The following MYH1 variants were observed in gnomAD, a reference collection of about 807,000 sequenced individuals.
MYH1 encodes myosin-1.
A neutral mutation model predicts 225.6 loss-of-function variants in MYH1; 214 were observed. The observed-to-expected ratio is 0.95, with a 90% confidence interval of 0.85 to 1.06. The LOEUF (loss-of-function observed/expected upper bound fraction) is 1.06, where lower values mean the gene tolerates loss of function less well. Among genes scored for constraint, MYH1 ranks in the 50% least tolerant of loss-of-function variants. The probability of loss-of-function intolerance (pLI) is 0.00; values close to 1 mark genes in which losing one functional copy is unlikely to be tolerated. For missense variants in MYH1, 2,098 were observed against 2,344.2 expected (o/e 0.89, Z 2.17); for synonymous variants, 774 against 842.3 (o/e 0.92, Z 1.40).
In MYH1 at chr17:10,508,180, G is replaced by A. The variant is rs575523953; in HGVS notation, c.1897+183C>T. On this transcript the variant is annotated intron_variant, in intron 16 of 39. Coordinates refer to ENST00000226207, the MANE Select transcript of MYH1 (RefSeq NM_005963.4). The stretch of plus-strand genomic sequence containing the variant: ...ATTATAGGCACCTGCCACCATGCCC[G>A]GCTAATTTTTGCATTTTTAGTAGAG... Among the ~76,000 whole-genome samples, 25 of 151,764 alleles carry A rather than the reference G, an allele frequency of 1.6e-4. No homozygotes were observed. The South Asian group carries it at 4.6e-3, about 28-fold the overall frequency.
At chr17:10,497,948 C>A in intron 30 of MYH1, 31 bp from the exon 31 acceptor site, 1 of 1,567,974 alleles carries the variant, frequency 6.4e-7, no homozygotes, top group Non-Finnish European at 8.6e-7. Flanking sequence ...AAGTGAATGG[C>A]TGTCAACTGA....
At chr17:10,504,151 T>C (rs2073085588) in intron 22 of MYH1, among the ~76,000 whole-genome samples, 1 of 152,240 alleles carries the variant, frequency 6.6e-6, no homozygotes, top group South Asian at 2.1e-4. Flanking sequence ...TGTCTTGTTA[T>C]TTGTGTTACA....
At position 10,492,430 on chromosome 17, in the gene MYH1, T is replaced by C. The variant is rs2142249922; in HGVS notation, c.5806A>G (p.Ile1936Val). The change falls in exon 40 of 40, where the codon ATA (isoleucine) becomes GTA (valine). Residue 1936 changes from isoleucine to valine, a missense_variant. By Grantham distance (29) the Ile-to-Val change is conservative. Transcript: ENST00000226207. ...VKSREVHTKIISEE is the reference protein window; with the variant it reads ...VKSREVHTKIVSEE ...AGTTAGATAAATTACTCTTCACTTA[T>C]GATTTTTGTGTGAACCTCCCTGCTC... 5 of 1,613,942 alleles carry C rather than the reference T, an allele frequency of 3.1e-6. No homozygotes were observed. Among genetic ancestry groups the C allele is most frequent in the African/African-American group, 1.3e-5 (1 of 75,052 alleles).
chr17:10,516,551 G>T lies in MYH1; in HGVS notation c.92C>A (p.Pro31His). 5 of 1,614,142 alleles carry T rather than the reference G, an allele frequency of 3.1e-6. No homozygotes were observed. The South Asian group carries it at 5.5e-5, about 18-fold the overall frequency. ...ERERIEAQNK[P>H]FDAKTSVFVV... ...AAAGACTGATGTCTTGGCATCAAAAGGCTTGTTCTGGGCTTCAATTCGCTC... is the reference window on the plus strand; with the variant it reads ...AAAGACTGATGTCTTGGCATCAAAATGCTTGTTCTGGGCTTCAATTCGCTC... The change falls in exon 3 of 40, where the codon CCT becomes CAT. Residue 31 changes from proline (P) to histidine (H), a missense_variant. Transcript: ENST00000226207.
At chr17:10,502,644 G>T in intron 24 of MYH1, 94 bp downstream of exon 24, 1 of 1,569,580 alleles carries the variant, frequency 6.4e-7, no homozygotes, top group African/African-American at 1.4e-5. Flanking sequence ...GGAGGCACTT[G>T]ATAAGTACTC....
In MYH1 at chr17:10,512,852, G is replaced by A; in HGVS notation, c.904+15C>T. 6.2e-7 allele frequency: 1 copy of A among 1,605,276 alleles called. No individual in the cohort carries two copies. The highest frequency in any genetic ancestry group is 1.1e-5 in the South Asian group (1 of 90,880). On this transcript the variant is annotated intron_variant, in intron 10 of 39. Transcript: ENST00000226207. ...AGTACAGTGACAATCTTCTAGCTAT[G>A]AATTTATTTCTTACCAATTAGATCT... is the stretch of plus-strand genomic sequence containing the variant.
Position 10,501,174 on chromosome 17 carries a change from T to C in MYH1, c.3674A>G (p.Lys1225Arg), listed in dbSNP as rs182004113. 12 of 1,614,122 alleles carry C rather than the reference T, an allele frequency of 7.4e-6. No homozygotes were observed. The Admixed American group carries it at 1.3e-4, about 18-fold the overall frequency. Residue 1225 changes from lysine to arginine, a missense_variant, in exon 27 of 40, where the codon AAG becomes AGG. Transcript: ENST00000226207. ...QRVKQKLEKEKSEMKMEIDDL... is the reference protein window; with the variant it reads ...QRVKQKLEKERSEMKMEIDDL... ...ATCGATCTCCATCTTCATCTCACTCTTCTCCTTCTCCAGCTTCTGCTTCAC... is the reference window on the plus strand; with the variant it reads ...ATCGATCTCCATCTTCATCTCACTCCTCTCCTTCTCCAGCTTCTGCTTCAC...
intron 33 of MYH1, 35 bp from the exon 34 acceptor site, chr17:10,496,584 A>T (rs1235308829): frequency 4.3e-6 from 7 of 1,613,530 alleles, no homozygotes. Flanking sequence ...TAGTAGAGTA[A>T]TGGAAGTGTG....
Position 10,508,423 on chromosome 17 carries a change from G to A in MYH1, c.1837C>T (p.Gln613Ter), listed in dbSNP as rs1351115974. The change falls in exon 16 of 40, where the codon CAG becomes TAG. Residue 613 changes from glutamine to a stop codon, truncating the protein, a stop_gained. Transcript: ENST00000226207. LOFTEE classifies it high-confidence loss of function. ...GCCAGAGTCTTCATTGCAGACTTCT[G>A]GTACAGCCCCACCACAGTCTCATTC... The part of the protein sequence containing the change: ...PLNETVVGLY[Q>*]KSAMKTLALL... 1.2e-6 allele frequency: 2 copies of A among 1,614,142 alleles called. No individual in the cohort carries two copies. The highest frequency in any genetic ancestry group is 4.5e-5 in the East Asian group (2 of 44,880).
At chr17:10,504,667 A>G (rs1221459924) in intron 22 of MYH1, 143 bp downstream of exon 22, 1 of 982,820 alleles carries the variant, frequency 1.0e-6, no homozygotes, top group African/African-American at 1.6e-5. Context: ...TGTATAGGGA[A>G]TTCTATAGAA....
At chr17:10,504,659 T>C in intron 22 of MYH1, 151 bp downstream of exon 22, 1 of 946,586 alleles carries the variant, frequency 1.1e-6, no homozygotes, top group South Asian at 1.8e-5. Flanking sequence ...AGTAATATTG[T>C]ATAGGGAATT....
rs1597432458 is a variant in MYH1 at position 10,492,479 on chromosome 17, G to A, written c.5757C>T (p.Ser1919=). ...EAEERADIAE[S]QVNKLRVKSR... is the part of the protein sequence containing the mutation. ...TCTTCACCCTCAGCTTGTTGACCTG[G>A]GACTCAGCAATGTCAGCCCGTTCCT... Residue 1919 remains serine, a synonymous_variant, in exon 40 of 40, where the codon TCC becomes TCT. Transcript: ENST00000226207. The A allele has an allele frequency of 6.2e-7, 1 of 1,614,112 alleles. No individual in the cohort carries two copies. The highest frequency in any genetic ancestry group is 8.5e-7 in the Non-Finnish European group (1 of 1,180,010).
chr17:10,497,216 G>C (rs2073005600), intron 32 of MYH1, 23 bp from the exon 33 acceptor site: 3 of 1,597,534 alleles, frequency 1.9e-6, no homozygotes. Context: ...AAAAAATATA[G>C]AAATTTGTTT....
rs1437261477 is a variant in MYH1 at position 10,514,580 on chromosome 17, C to G, written c.533+288G>C. On this transcript the variant is annotated intron_variant, in intron 6 of 39. Transcript: ENST00000226207. The stretch of plus-strand genomic sequence containing the variant: ...TCCAAACTGTTGTACCTTTTGAAGG[C>G]TGTATGCTGCTCATTGCACTATACT... Among the ~76,000 whole-genome samples, 3 of 152,180 alleles carry G rather than the reference C, an allele frequency of 2.0e-5. No homozygotes were observed. In the East Asian group the frequency reaches 5.8e-4, roughly 29 times the overall value.
intron 14 of MYH1, 59 bp from the exon 15 acceptor site, chr17:10,509,714 AG>A: frequency 6.2e-7 from 1 of 1,613,874 alleles, no homozygotes; most frequent in Non-Finnish European, 8.5e-7. Context: ...TCTCTTTGAA[AG>A]GGGTGTTTTT....
chr17:10,506,920 A>G (rs2073118435), intron 17 of MYH1, among the ~76,000 whole-genome samples: 3 of 152,162 alleles, frequency 2.0e-5, no homozygotes, highest in Non-Finnish European at 4.4e-5. Flanking sequence ...ATTAATGCCT[A>G]TTCTGGGAAT....
In MYH1 at chr17:10,516,008, T is replaced by C; in HGVS notation, c.423A>G (p.Thr141=). The change falls in exon 5 of 40, where the codon ACA becomes ACG. Residue 141 remains threonine (T), a synonymous_variant. Transcript: ENST00000226207. ...CCTGGCGCTTTTTGCCTCGGTAGGC[T>C]GTCACCACCTCTGCATTATACACTG... is the stretch of plus-strand genomic sequence containing the variant. ...WLPVYNAEVV[T]AYRGKKRQEA... 1 of 1,614,218 alleles carries C rather than the reference T, an allele frequency of 6.2e-7. No individual in the cohort carries two copies. Among genetic ancestry groups the C allele is most frequent in the Non-Finnish European group, 8.5e-7 (1 of 1,180,032 alleles).
At chr17:10,500,927 A>G (rs982621620) in intron 27 of MYH1, among the ~76,000 whole-genome samples, 175 bp from the exon 28 acceptor site, 5 of 152,210 alleles carry the variant, frequency 3.3e-5, no homozygotes, top group Non-Finnish European at 5.9e-5. Context: ...AATAAGATAC[A>G]TAGTCCAAGC....
chr17:10,495,458 T>A, intron 35 of MYH1, 141 bp from the exon 36 acceptor site: 1 of 1,265,036 alleles, frequency 7.9e-7, no homozygotes, highest in Non-Finnish European at 1.1e-6. Flanking sequence ...TGAGTTGACA[T>A]ATGTTTAAAA....
Sources: allele counts gnomAD v4.1 joint callset (sites outside exome capture counted in the v4.1 genomes callset), GRCh38; gene constraint gnomAD v4.1.1; transcripts MANE v1.5; gene names NCBI Gene and HGNC (gene_info 2026-07-23, HGNC 2026-07-21).